Variants in CCDC178 observed in about 807,000 individuals in gnomAD.
The protein encoded by CCDC178 is coiled-coil domain-containing protein 178.
A neutral mutation model predicts 117.4 loss-of-function variants in CCDC178; 126 were observed. That is an observed-to-expected ratio of 1.07 (90% CI 0.93 to 1.24). The LOEUF (loss-of-function observed/expected upper bound fraction) is 1.24. Ranked by LOEUF, CCDC178 falls within the 50% of genes most tolerant of loss-of-function variation. The probability of loss-of-function intolerance (pLI) is 0.00; values close to 1 mark genes in which losing one functional copy is unlikely to be tolerated. For missense variants in CCDC178, 1,030 were observed against 986.9 expected (o/e 1.04, Z -0.59); for synonymous variants, 283 against 313.4 (o/e 0.90, Z 1.02).
intron 12 of CCDC178, among the ~76,000 whole-genome samples, chr18:33,273,859 T>C (rs1269569838): frequency 6.6e-6 from 1 of 151,674 alleles, no homozygotes; most frequent in Non-Finnish European, 1.5e-5. Context: ...AAAGATAAAA[T>C]AGATAAATAA....
At chr18:33,363,697 G>C (rs781212407) in intron 6 of CCDC178, among the ~76,000 whole-genome samples, 8 of 151,942 alleles carry the variant, frequency 5.3e-5, no homozygotes, top group Non-Finnish European at 7.4e-5. Context: ...TTTCACTTTA[G>C]TTCATAGATC....
At chr18:33,331,139 C>T (rs140258360) in intron 10 of CCDC178, among the ~76,000 whole-genome samples, 2 of 145,816 alleles carry the variant, frequency 1.4e-5, no homozygotes, top group African/African-American at 2.5e-5. Flanking sequence ...TTATAATGTA[C>T]CCAAGTTCAC....
intron 20 of CCDC178, among the ~76,000 whole-genome samples, chr18:33,104,915 A>T (rs1598887406): frequency 1.3e-5 from 2 of 151,712 alleles, no homozygotes; most frequent in Admixed American, 1.3e-4. Flanking sequence ...TGCCATTGTA[A>T]TAAGTTTCCA....
chr18:33,166,812 G>A (rs1378555132), intron 20 of CCDC178, among the ~76,000 whole-genome samples: 1 of 152,102 alleles, frequency 6.6e-6, no homozygotes, highest in East Asian at 1.9e-4. Flanking sequence ...AGAGATACAT[G>A]TGCAGGTTTG....
At chr18:33,388,283 C>T (rs539920360) in intron 5 of CCDC178, among the ~76,000 whole-genome samples, 154 of 152,218 alleles carry the variant, frequency 1.0e-3, no homozygotes, top group African/African-American at 3.3e-3. Flanking sequence ...TTAGTTCAAC[C>T]ACTGTGGAAG....
In CCDC178 at chr18:33,414,141, G is replaced by A. The variant is rs543660421; in HGVS notation, c.-22-2031C>T. Among the ~76,000 whole-genome samples, 7 of 152,158 alleles carry A rather than the reference G, an allele frequency of 4.6e-5. No individual in the cohort carries two copies. The East Asian group carries it at 1.4e-3, about 29-fold the overall frequency. On this transcript the variant is annotated intron_variant, in intron 2 of 22. Transcript: ENST00000383096. ...CTTAACATCTTTATAAATCGATCAT[G>A]TTTATAACATCAAATTTTAAAATGT...
At chr18:32,939,470 G>T (rs1196807634) in intron 22 of CCDC178, among the ~76,000 whole-genome samples, 1 of 152,058 alleles carries the variant, frequency 6.6e-6, no homozygotes, top group Non-Finnish European at 1.5e-5. Flanking sequence ...ATAGTCAAAC[G>T]TGGTATAAAT....
intron 12 of CCDC178, among the ~76,000 whole-genome samples, chr18:33,280,905 A>T (rs990108395): frequency 6.6e-6 from 1 of 152,178 alleles, no homozygotes; most frequent in African/African-American, 2.4e-5. Context: ...TTGAACAATG[A>T]GAACACATGG....
chr18:33,391,764 C>A (rs554365070), intron 4 of CCDC178, among the ~76,000 whole-genome samples: 5 of 151,970 alleles, frequency 3.3e-5, no homozygotes, highest in African/African-American at 1.2e-4. Context: ...ACATTCAGAA[C>A]TTAAATGTTT....
chr18:33,320,930 A>C (rs2144999510), intron 11 of CCDC178, among the ~76,000 whole-genome samples: 1 of 152,332 alleles, frequency 6.6e-6, no homozygotes, highest in Admixed American at 6.5e-5. Flanking sequence ...CTCAGAAATA[A>C]TACCACACAT....
At chr18:33,394,628 T>G (rs931900548) in intron 4 of CCDC178, among the ~76,000 whole-genome samples, 4 of 151,780 alleles carry the variant, frequency 2.6e-5, no homozygotes, top group African/African-American at 7.2e-5. Context: ...AAATATAAAT[T>G]ATACAAAATT....
At chr18:33,106,533 T>C (rs1467466337) in intron 20 of CCDC178, among the ~76,000 whole-genome samples, 1 of 151,708 alleles carries the variant, frequency 6.6e-6, no homozygotes, top group Non-Finnish European at 1.5e-5. Context: ...GGAACACTTA[T>C]GGACACTATC....
intron 22 of CCDC178, among the ~76,000 whole-genome samples, chr18:32,942,930 T>C (rs1022542030): frequency 1.3e-5 from 2 of 152,144 alleles, no homozygotes; most frequent in Admixed American, 1.3e-4. Context: ...TGTTATTAGA[T>C]TTTTGGTGGG....
At chr18:33,350,845 A>G (rs899115256) in intron 7 of CCDC178, among the ~76,000 whole-genome samples, 19 of 152,232 alleles carry the variant, frequency 1.2e-4, no homozygotes, top group Admixed American at 8.5e-4. Context: ...AGGAGCCGAC[A>G]AACTGTTTCT....
In CCDC178 at chr18:33,245,202, T is replaced by C. The variant is rs577539046; in HGVS notation, c.1593+43A>G. On this transcript the variant is annotated intron_variant, in intron 15 of 22. Coordinates refer to ENST00000383096, the MANE Select transcript of CCDC178 (RefSeq NM_001105528.4). Reference sequence around the variant, plus strand: ...AATCGATACAATTCAGGTAAATTACTCTTTTTTTCATCATGAGTAAGAGGA... The same window carrying C: ...AATCGATACAATTCAGGTAAATTACCCTTTTTTTCATCATGAGTAAGAGGA... The C allele has an allele frequency of 2.8e-6, 4 of 1,445,056 alleles. No homozygotes were observed. In the South Asian group the frequency reaches 4.8e-5, roughly 17 times the overall value. The allele number at this position is 1,445,056 out of a possible 1,614,324, so 89.5% of individuals were successfully genotyped here. A position where few individuals can be genotyped will look rare whatever the true frequency, so the allele number is the denominator to read the frequency against.
At chr18:33,299,121 A>G (rs2062143821) in intron 11 of CCDC178, among the ~76,000 whole-genome samples, 1 of 152,134 alleles carries the variant, frequency 6.6e-6, no homozygotes, top group Non-Finnish European at 1.5e-5. Context: ...AAAAGTTAAA[A>G]ATTTTATGGA....
intron 20 of CCDC178, among the ~76,000 whole-genome samples, chr18:33,195,057 C>T (rs2058912487): frequency 6.8e-6 from 1 of 146,740 alleles, no homozygotes; most frequent in Admixed American, 6.9e-5. Flanking sequence ...TTTGAGGCTG[C>T]AGTGAGCTAT....
At chr18:33,195,118 T>C (rs1419768403) in intron 20 of CCDC178, among the ~76,000 whole-genome samples, 2 of 89,202 alleles carry the variant, frequency 2.2e-5, no homozygotes, top group Non-Finnish European at 4.7e-5. Context: ...CACTGTCTCT[T>C]AAAAAAAAAA....
intron 20 of CCDC178, among the ~76,000 whole-genome samples, chr18:33,137,175 A>G (rs2058139013): frequency 6.6e-6 from 1 of 152,176 alleles, no homozygotes; most frequent in Non-Finnish European, 1.5e-5. Context: ...AAGAAATCAA[A>G]ATGTTAGTCT....
Sources: gnomAD v4.1 joint callset for allele counts (sites outside exome capture counted in the v4.1 genomes callset) on GRCh38, gnomAD v4.1.1 for gene constraint, MANE v1.5 for transcripts, NCBI Gene and HGNC (gene_info 2026-07-23, HGNC 2026-07-21) for gene names.